The following BCAR3 variants were observed in gnomAD, a reference collection of about 807,000 sequenced individuals.
The protein encoded by BCAR3 is breast cancer anti-estrogen resistance protein 3.
Under a neutral mutation model 80.1 loss-of-function variants are expected in BCAR3, and 37 were observed. That is an observed-to-expected ratio of 0.46 (90% CI 0.36 to 0.61). The LOEUF is 0.61. BCAR3 is among the 20% of genes least tolerant of loss of function. The probability of loss-of-function intolerance (pLI) is 0.00; values close to 1 mark genes in which losing one functional copy is unlikely to be tolerated. For missense variants in BCAR3, 978 were observed against 1,068.2 expected (o/e 0.92, Z 1.18); for synonymous variants, 389 against 418.9 (o/e 0.93, Z 0.87).
At chr1:93,783,198 C>T (rs534461128) in intron 2 of BCAR3, among the ~76,000 whole-genome samples, 1 of 152,276 alleles carries the variant, frequency 6.6e-6, no homozygotes, top group African/African-American at 2.4e-5. Flanking sequence ...TCCATATATA[C>T]CCTAAGCTAG....
rs190952302 is a variant in BCAR3, at chr1:93,836,621, C to T, written c.-63+8946G>A. ...CCATACCACCCCCCAAAATTTTCACCGCCCCAACACTTTACCACTATTTCA... is the reference window on the plus strand; with the variant it reads ...CCATACCACCCCCCAAAATTTTCACTGCCCCAACACTTTACCACTATTTCA... On this transcript the variant is annotated intron_variant, in intron 2 of 13. Transcript: ENST00000370244. Among the ~76,000 whole-genome samples, 1,363 of 152,132 alleles carry T rather than the reference C, an allele frequency of 9.0e-3. 18 individuals are homozygous for T. Among genetic ancestry groups the T allele is most frequent in the African/African-American group, 0.032 (1,316 of 41,462 alleles).
intron 5 of BCAR3, among the ~76,000 whole-genome samples, chr1:93,588,741 C>T (rs1674047826): frequency 6.6e-6 from 1 of 151,860 alleles, no homozygotes; most frequent in African/African-American, 2.4e-5. Context: ...ACCCCCTTCA[C>T]AAGGTATCCC....
At chr1:93,599,576 G>GATTA (rs1553230949) in intron 3 of BCAR3, 1 of 151,818 alleles carries the variant, frequency 6.6e-6, no homozygotes, top group Non-Finnish European at 1.5e-5. Flanking sequence ...CTTTTAGAGA[G>GATTA]ATCTGGCTGC....
At chr1:93,833,509 A>G (rs916780756) in intron 2 of BCAR3, among the ~76,000 whole-genome samples, 1 of 152,160 alleles carries the variant, frequency 6.6e-6, no homozygotes, top group African/African-American at 2.4e-5. Flanking sequence ...GGTGTATTTC[A>G]TCCCTTATCT....
chr1:93,582,367 T>G lies in BCAR3; in HGVS notation c.1620A>C (p.Ala540=), dbSNP rs145587522. The change falls in exon 7 of 12, where the codon GCA becomes GCC. Residue 540 remains alanine, a synonymous_variant. Coordinates refer to ENST00000260502, the MANE Select transcript of BCAR3 (RefSeq NM_003567.4). ...KPLETAMLKR[A]KELFTNNDPK... ...GGTCGTTGTTGGTGAACAGTTCTTT[T>G]GCACGTTTCAACATTGCTGTTTCCA... The G allele has an allele frequency of 3.3e-5, 53 of 1,614,242 alleles. No individual in the cohort carries two copies. In the African/African-American group the frequency reaches 6.1e-4, roughly 19 times the overall value.
At chr1:93,631,915 C>A (rs186475814) in intron 3 of BCAR3, among the ~76,000 whole-genome samples, 3,239 of 152,234 alleles carry the variant, frequency 0.021, 144 homozygotes, top group Admixed American at 0.11. Context: ...ACAAGAAAAC[C>A]CATCTCAGGC....
chr1:93,703,557 C>G (rs1157741785), intron 3 of BCAR3, among the ~76,000 whole-genome samples: 1 of 123,604 alleles, frequency 8.1e-6, no homozygotes, highest in Non-Finnish European at 1.7e-5. Context: ...AGAGCAAAAC[C>G]CTGTCTCTTA....
chr1:93,627,252 A>G (rs1675479110), intron 3 of BCAR3, among the ~76,000 whole-genome samples: 1 of 152,226 alleles, frequency 6.6e-6, no homozygotes, highest in Non-Finnish European at 1.5e-5. Context: ...ATGCATGATG[A>G]TATAAACTCA....
rs1652929462 is a variant in BCAR3, at chr1:93,786,091, G to T, written c.-63+59476C>A. On this transcript the variant is annotated intron_variant, in intron 2 of 13. Transcript: ENST00000370244. ...GCCTGTAGTCCCAGCTACTCGGGAG[G>T]CTGAGGCAGGAGAATGGCGTGAACC... Among the ~76,000 whole-genome samples, 2 of 139,386 alleles carry T rather than the reference G, an allele frequency of 1.4e-5. 1 individual carries two copies. The highest frequency in any genetic ancestry group is 1.5e-4 in the Admixed American group (2 of 13,736). The allele number at this position is 139,386 out of a possible 152,430, so 91.4% of individuals were successfully genotyped here. A position where few individuals can be genotyped will look rare whatever the true frequency, so the allele number is the denominator to read the frequency against.
At chr1:93,844,669 C>A (rs1413119563) in intron 2 of BCAR3, among the ~76,000 whole-genome samples, 1 of 151,974 alleles carries the variant, frequency 6.6e-6, no homozygotes, top group Non-Finnish European at 1.5e-5. Context: ...AGAGAACCAC[C>A]ACACACCTGA....
intron 7 of BCAR3, among the ~76,000 whole-genome samples, chr1:93,579,465 AC>A (rs530740379): frequency 8.6e-5 from 13 of 151,850 alleles, no homozygotes; most frequent in Non-Finnish European, 1.6e-4. Context: ...CTGCCTGGGG[AC>A]CCCATCCAGC....
chr1:93,591,567 C>A (rs970332283), intron 4 of BCAR3, among the ~76,000 whole-genome samples: 1 of 152,132 alleles, frequency 6.6e-6, no homozygotes, highest in African/African-American at 2.4e-5. Context: ...AATGATTGGC[C>A]AGATCAGGTT....
chr1:93,629,742 A>G (rs984088194), intron 3 of BCAR3, among the ~76,000 whole-genome samples: 2 of 152,244 alleles, frequency 1.3e-5, no homozygotes, highest in Non-Finnish European at 2.9e-5. Context: ...GACTCCCTAT[A>G]GTTAACAAGA....
intron 10 of BCAR3, 108 bp downstream of exon 10, chr1:93,567,632 A>T (rs1286444938): frequency 1.1e-5 from 15 of 1,377,218 alleles, no homozygotes; most frequent in Non-Finnish European, 1.5e-5. Flanking sequence ...AGCCCTGATG[A>T]GCCATCCACA....
intron 3 of BCAR3, among the ~76,000 whole-genome samples, chr1:93,690,108 C>G (rs1271695652): frequency 6.6e-6 from 1 of 152,188 alleles, no homozygotes; most frequent in Non-Finnish European, 1.5e-5. Flanking sequence ...TACCGATAGG[C>G]AGCTGTGAAA....
intron 2 of BCAR3, among the ~76,000 whole-genome samples, chr1:93,767,984 A>C (rs1162056257): frequency 6.6e-6 from 1 of 151,742 alleles, no homozygotes; most frequent in Non-Finnish European, 1.5e-5. Context: ...AAGAGTTCTG[A>C]GGTTTGTGCT....
intron 9 of BCAR3, among the ~76,000 whole-genome samples, chr1:93,569,970 T>C (rs1478142662): frequency 6.6e-6 from 1 of 152,160 alleles, no homozygotes; most frequent in Admixed American, 6.5e-5. Context: ...ATAAACATAA[T>C]GCACATTAAA....
intron 2 of BCAR3, among the ~76,000 whole-genome samples, chr1:93,725,978 T>C (rs1243936428): frequency 6.6e-6 from 1 of 152,252 alleles, no homozygotes; most frequent in African/African-American, 2.4e-5. Context: ...ACATTTTATC[T>C]TGATCACCAC....
intron 2 of BCAR3, among the ~76,000 whole-genome samples, chr1:93,825,268 G>A (rs7540805): frequency 0.19 from 25,140 of 132,350 alleles, 6,667 homozygotes; most frequent in East Asian, 0.4. Flanking sequence ...CCACTTGGCC[G>A]GCAGCTTCCC....
Sources: gnomAD v4.1 joint callset for allele counts (sites outside exome capture counted in the v4.1 genomes callset) on GRCh38, gnomAD v4.1.1 for gene constraint, MANE v1.5 for transcripts, NCBI Gene and HGNC (gene_info 2026-07-23, HGNC 2026-07-21) for gene names.